Variants in SYT9 observed in about 807,000 individuals in gnomAD.
SYT9 encodes synaptotagmin 9, also known as synaptotagmin-9.
Under a neutral mutation model 48.4 loss-of-function variants are expected in SYT9, and 22 were observed. The observed-to-expected ratio is 0.45, with a 90% CI of 0.32 to 0.65. The LOEUF (loss-of-function observed/expected upper bound fraction) is 0.65, where lower values mean the gene tolerates loss of function less well. Among genes scored for constraint, SYT9 ranks in the 30% least tolerant of loss-of-function variants. SYT9 has a pLI of 0.03. For missense variants in SYT9, 577 were observed against 622.0 expected, an observed-to-expected ratio of 0.93 and a Z score of 0.77; for synonymous variants, 265 against 245.0, an observed-to-expected ratio of 1.08 and a Z score of -0.76.
intron 5 of SYT9, among the ~76,000 whole-genome samples, chr11:7,419,378 C>T (rs12364530): frequency 0.14 from 21,899 of 151,836 alleles, 1,645 homozygotes; most frequent in East Asian, 0.29. Flanking sequence ...ATATCCTTCA[C>T]GTGACCTCCC....
At chr11:7,367,314 C>G (rs1050003594) in intron 3 of SYT9, among the ~76,000 whole-genome samples, 18 of 150,974 alleles carry the variant, frequency 1.2e-4, no homozygotes, top group African/African-American at 3.6e-4. Context: ...ATCTCCTGAC[C>G]TCGTGATCCG....
intron 3 of SYT9, among the ~76,000 whole-genome samples, chr11:7,397,235 A>G (rs7104549): frequency 0.64 from 97,836 of 151,986 alleles, 33,064 homozygotes; most frequent in Non-Finnish European, 0.75. Flanking sequence ...TAGATATCCA[A>G]TTATTCAGCA....
intron 6 of SYT9, among the ~76,000 whole-genome samples, chr11:7,430,933 G>C (rs12420266): frequency 0.37 from 56,573 of 152,026 alleles, 10,712 homozygotes; most frequent in Middle Eastern, 0.47. Context: ...TTATAGCAAT[G>C]CAAGAAAAGC....
At chr11:7,298,654 C>T (rs5004131) in intron 1 of SYT9, among the ~76,000 whole-genome samples, 79,529 of 151,320 alleles carry the variant, frequency 0.53, 21,005 homozygotes, top group African/African-American at 0.57. Flanking sequence ...TAATACAGGT[C>T]CACTTTTTTT....
intron 2 of SYT9, among the ~76,000 whole-genome samples, chr11:7,307,022 A>C (rs1454194379): frequency 3.3e-5 from 5 of 152,236 alleles, no homozygotes; most frequent in Non-Finnish European, 7.3e-5. Flanking sequence ...AAGGGCCAGA[A>C]GTATAAACTG....
intron 1 of SYT9, among the ~76,000 whole-genome samples, chr11:7,298,192 C>T (rs115840712): frequency 1.0e-3 from 158 of 152,086 alleles, no homozygotes; most frequent in African/African-American, 2.1e-3. Flanking sequence ...TTAAATTTCC[C>T]AAGTCTCTGT....
chr11:7,430,914 G>C (rs544392488), intron 6 of SYT9, among the ~76,000 whole-genome samples: 1 of 152,274 alleles, frequency 6.6e-6, no homozygotes, highest in South Asian at 2.1e-4. Context: ...CCCAGTCCCA[G>C]GTATTTCTTT....
At chr11:7,275,987 T>A (rs1848382308) in intron 1 of SYT9, among the ~76,000 whole-genome samples, 1 of 152,218 alleles carries the variant, frequency 6.6e-6, no homozygotes, top group South Asian at 2.1e-4. Context: ...CCAACTAGAA[T>A]GTAAGCTCTA....
At chr11:7,247,764 T>A (rs958367920), upstream of SYT9, among the ~76,000 whole-genome samples, 5 of 151,644 alleles carry the variant, frequency 3.3e-5, no homozygotes, top group African/African-American at 1.2e-4. Context: ...TTTTTGCAAT[T>A]GTGAATTGTG....
chr11:7,257,540 A>T (rs1847996726), intron 1 of SYT9, among the ~76,000 whole-genome samples: 1 of 152,194 alleles, frequency 6.6e-6, no homozygotes, highest in Non-Finnish European at 1.5e-5. Flanking sequence ...TTTCTATGAA[A>T]AAAATCTCCA....
chr11:7,339,979 CT>C (rs1439543766), intron 3 of SYT9, among the ~76,000 whole-genome samples: 1 of 152,152 alleles, frequency 6.6e-6, no homozygotes, highest in Non-Finnish European at 1.5e-5. Flanking sequence ...CTCCTCATAC[CT>C]TTCAGGAATG....
chr11:7,324,317 G>A (rs916256900), intron 3 of SYT9, among the ~76,000 whole-genome samples: 14 of 151,832 alleles, frequency 9.2e-5, no homozygotes, highest in Middle Eastern at 6.8e-3. Context: ...TCATTGATCA[G>A]TGTCACTGGA....
At chr11:7,411,145 A>G (rs745952536) in intron 3 of SYT9, among the ~76,000 whole-genome samples, 2 of 152,198 alleles carry the variant, frequency 1.3e-5, no homozygotes, top group Non-Finnish European at 2.9e-5. Context: ...GTGAGCCACC[A>G]TGCCCGGCCT....
chr11:7,307,317 T>C (rs1014543717), intron 2 of SYT9, among the ~76,000 whole-genome samples: 1 of 152,236 alleles, frequency 6.6e-6, no homozygotes, highest in Non-Finnish European at 1.5e-5. Context: ...GGTGAGAACA[T>C]TGGTTCAATG....
At chr11:7,254,103 C>A (rs1847921035) in intron 1 of SYT9, among the ~76,000 whole-genome samples, 1 of 152,178 alleles carries the variant, frequency 6.6e-6, no homozygotes, top group South Asian at 2.1e-4. Flanking sequence ...CTACACCAGG[C>A]AACCCCTGAG....
chr11:7,270,829 A>G (rs374679428), intron 1 of SYT9, among the ~76,000 whole-genome samples: 1,238 of 83,480 alleles, frequency 0.015, 12 homozygotes, highest in Middle Eastern at 0.13. Context: ...TGCACAAGAC[A>G]CAGACACACA....
At chr11:7,418,192 G>A in intron 5 of SYT9, 64 bp downstream of exon 5, 2 of 1,547,000 alleles carry the variant, frequency 1.3e-6, no homozygotes, top group Non-Finnish European at 1.7e-6. Context: ...AAGGCAGAGG[G>A]GGAGCAGCAG....
intron 6 of SYT9, among the ~76,000 whole-genome samples, chr11:7,445,524 A>G (rs567335592): frequency 6.6e-6 from 1 of 152,196 alleles, no homozygotes; most frequent in South Asian, 2.1e-4. Context: ...TGCTCCTCCA[A>G]AAACCTTGCT....
intron 3 of SYT9, among the ~76,000 whole-genome samples, chr11:7,349,150 C>T (rs1312441942): frequency 6.6e-6 from 1 of 152,022 alleles, no homozygotes; most frequent in Non-Finnish European, 1.5e-5. Context: ...GCCACTTACT[C>T]TCTTTACTGG....
Sources: gnomAD v4.1 joint callset for allele counts (sites outside exome capture counted in the v4.1 genomes callset) on GRCh38, gnomAD v4.1.1 for gene constraint, MANE v1.5 for transcripts, NCBI Gene and HGNC (gene_info 2026-07-23, HGNC 2026-07-21) for gene names.